Variants in PLCXD1 observed in about 807,000 individuals in gnomAD.
PLCXD1 encodes PI-PLC X domain-containing protein 1.
A neutral mutation model predicts 37.8 loss-of-function variants in PLCXD1; 45 were observed. The ratio of observed to expected loss-of-function variants is 1.19; its 90% CI spans 0.94 to 1.53. The LOEUF (loss-of-function observed/expected upper bound fraction) is 1.53, where lower values mean the gene tolerates loss of function less well. PLCXD1 is among the 40% of genes most tolerant of loss of function. The pLI, the probability that PLCXD1 is intolerant of heterozygous loss-of-function variation, is 0.00. For missense variants in PLCXD1, 539 were observed against 454.7 expected (o/e 1.19, Z -1.69); for synonymous variants, 246 against 206.9 (o/e 1.19, Z -1.62).
At chrX:286,316 C>T (rs1250120706) in intron 2 of PLCXD1, among the ~76,000 whole-genome samples, 44 of 152,076 alleles carry the variant, frequency 2.9e-4, no homozygotes, top group Admixed American at 5.9e-4. Context: ...CCACCTGCCT[C>T]GGCCTCCCAA....
At chrX:294,062 T>C (rs963047161) in intron 6 of PLCXD1, among the ~76,000 whole-genome samples, 39 of 149,954 alleles carry the variant, frequency 2.6e-4, no homozygotes, top group South Asian at 2.3e-4. Context: ...GTCAGCCAGG[T>C]GCGGTGGCTC....
chrX:294,338 C>A (rs866380199), intron 6 of PLCXD1, among the ~76,000 whole-genome samples: 5 of 152,086 alleles, frequency 3.3e-5, no homozygotes, highest in African/African-American at 1.2e-4. Flanking sequence ...AAAAATTAGC[C>A]GGGCGTGGTG....
rs2069772675 is a variant in PLCXD1 at position 295,422 on chromosome X, CAG to C, written c.733+2205_733+2206del. Among the ~76,000 whole-genome samples, 7 of 151,998 alleles carry C rather than the reference CAG, an allele frequency of 4.6e-5. No homozygotes were observed. In the South Asian group the frequency reaches 1.0e-3, roughly 22 times the overall value. On this transcript the variant is annotated intron_variant, in intron 6 of 6. Coordinates refer to ENST00000381657, the MANE Select transcript of PLCXD1 (RefSeq NM_018390.4). The stretch of plus-strand genomic sequence containing the variant: ...TCACGGCCGCGAGGGCTGCTTCCCA[CAG>C]GGGCAGCATGAAACCCAGTCACGGG...
At chrX:287,898 C>A (rs1012258229) in intron 2 of PLCXD1, among the ~76,000 whole-genome samples, 3 of 151,946 alleles carry the variant, frequency 2.0e-5, no homozygotes, top group Non-Finnish European at 4.4e-5. Context: ...CGTCAGGAGG[C>A]GGCAAAGAAC....
chrX:295,198 T>G (rs2069765115), intron 6 of PLCXD1, among the ~76,000 whole-genome samples: 1 of 151,412 alleles, frequency 6.6e-6, no homozygotes, highest in Non-Finnish European at 1.5e-5. Context: ...AACTTTTTTG[T>G]ACGTGAATTT....
chrX:292,636 G>A (rs1050302722), intron 5 of PLCXD1, among the ~76,000 whole-genome samples: 4 of 148,662 alleles, frequency 2.7e-5, no homozygotes, highest in African/African-American at 7.5e-5. Flanking sequence ...TATTTGAGAG[G>A]GAGTCTCGGT....
upstream of PLCXD1, among the ~76,000 whole-genome samples, chrX:276,753 C>T (rs2069164823): frequency 6.6e-6 from 1 of 152,146 alleles, no homozygotes; most frequent in Admixed American, 6.5e-5. Flanking sequence ...GCCGCCGGGG[C>T]CTGCGTGGGG....
chrX:279,910 C>T (rs190673263), upstream of PLCXD1, among the ~76,000 whole-genome samples: 3 of 152,062 alleles, frequency 2.0e-5, no homozygotes, highest in Non-Finnish European at 4.4e-5. Context: ...AGTGCAATGG[C>T]GCGATCTCGG....
rs769818508 is a variant in PLCXD1, at chrX:299,312, A to C, written c.949A>C (p.Asn317His). 10 of 1,613,588 alleles carry C rather than the reference A, an allele frequency of 6.2e-6. No individual in the cohort carries two copies. The highest frequency in any genetic ancestry group is 8.5e-6 in the Non-Finnish European group (10 of 1,179,562). Residue 317 changes from asparagine (N) to histidine (H), a missense_variant, in exon 7 of 7, where the codon AAT becomes CAT. Transcript: ENST00000381657. ...DGFVSDVIAL[N>H]QKLLWC ...CTTCGTCAGTGACGTCATCGCGCTC[A>C]ATCAGAAGCTGCTGTGGTGCTGACG...
At chrX:278,208 C>T (rs760632941), upstream of PLCXD1, among the ~76,000 whole-genome samples, 8 of 150,986 alleles carry the variant, frequency 5.3e-5, no homozygotes, top group East Asian at 1.6e-3. Context: ...GGGGACACCC[C>T]TCAGTGGTCA....
In PLCXD1 at chrX:290,698, G is replaced by A. The variant is rs1243194810; in HGVS notation, c.315G>A (p.Leu105=). The A allele has an allele frequency of 5.6e-6, 9 of 1,613,736 alleles. No homozygotes were observed. The highest frequency in any genetic ancestry group is 7.6e-6 in the Non-Finnish European group (9 of 1,179,694). The part of the protein sequence containing the change: ...QLDAGVRYLD[L]RIAHMLEGSE... Reference sequence around the variant, plus strand: ...ATGCCGGGGTGCGGTACCTGGACCTGCGGATAGCCCACATGCTGGAGGGCT... The same window carrying A: ...ATGCCGGGGTGCGGTACCTGGACCTACGGATAGCCCACATGCTGGAGGGCT... Residue 105 remains leucine (L), a synonymous_variant, in exon 4 of 7, where the codon CTG becomes CTA. Transcript: ENST00000381657.
At chrX:291,132 G>A (rs1806000330) in intron 4 of PLCXD1, among the ~76,000 whole-genome samples, 1 of 151,666 alleles carries the variant, frequency 6.6e-6, no homozygotes, top group African/African-American at 2.4e-5. Flanking sequence ...ATCCGTTACG[G>A]AGATTTCTTT....
chrX:292,231 G>A (rs1446700957), intron 5 of PLCXD1, among the ~76,000 whole-genome samples: 8 of 152,022 alleles, frequency 5.3e-5, no homozygotes, highest in South Asian at 2.1e-4. Flanking sequence ...CGAGGCGGGC[G>A]GATCATGAGG....
chrX:294,301 A>T lies in PLCXD1; in HGVS notation c.733+1083A>T, dbSNP rs747827253. Among the ~76,000 whole-genome samples the T allele has an allele frequency of 2.2e-3, 338 of 151,986 alleles. 1 individual carries two copies. In the East Asian group the frequency reaches 0.025, roughly 11 times the overall value. On this transcript the variant is annotated intron_variant, in intron 6 of 6. Transcript: ENST00000381657. ...ATCGAGACCATCCCGGCTAACATGGAGAAACCCCGTCTCTACTAAAAATAC... is the reference window on the plus strand; with the variant it reads ...ATCGAGACCATCCCGGCTAACATGGTGAAACCCCGTCTCTACTAAAAATAC...
intron 1 of PLCXD1, among the ~76,000 whole-genome samples, chrX:282,391 AC>A (rs1487463712): frequency 9.3e-4 from 94 of 101,410 alleles, no homozygotes; most frequent in African/African-American, 3.9e-3. Context: ...TTTAAAAAAA[AC>A]AAAACAAAAC....
chrX:278,445 G>C (rs28608980), upstream of PLCXD1, among the ~76,000 whole-genome samples: 78,008 of 151,876 alleles, frequency 0.51, 21,631 homozygotes, highest in East Asian at 0.69. Flanking sequence ...CATTTAGAAA[G>C]TGTGTTTTGC....
intron 6 of PLCXD1, among the ~76,000 whole-genome samples, chrX:294,655 T>C (rs1342901147): frequency 6.6e-6 from 1 of 150,698 alleles, no homozygotes; most frequent in Admixed American, 6.6e-5. Context: ...AAGAGAAAAA[T>C]TAGCCAGGCA....
In PLCXD1 at chrX:291,519, G is replaced by C. The variant is rs369964265; in HGVS notation, c.414G>C (p.Ser138=). ...ALVEDTLTEI[S]EWLERHPREV... is the part of the protein sequence containing the mutation. ...CCCAGGACACACTCACGGAAATCTCGGAGTGGCTGGAGCGGCATCCACGCG... is the reference window on the plus strand; with the variant it reads ...CCCAGGACACACTCACGGAAATCTCCGAGTGGCTGGAGCGGCATCCACGCG... The change falls in exon 5 of 7, where the codon TCG becomes TCC. Residue 138 remains serine (S), a synonymous_variant. Transcript: ENST00000381657. 3.1e-6 allele frequency: 5 copies of C among 1,612,638 alleles called. No individual in the cohort carries two copies. In the African/African-American group the frequency reaches 5.3e-5, roughly 17 times the overall value.
rs1469662309 is a variant in PLCXD1 at position 302,109 on chromosome X, C to G, written c.*2774C>G. 1 of 152,308 alleles carries G rather than the reference C, an allele frequency of 6.6e-6. No individual in the cohort carries two copies. Among genetic ancestry groups the G allele is most frequent in the African/African-American group, 2.4e-5 (1 of 41,468 alleles). The allele number at this position is 152,308 out of a possible 1,614,324, so 9.4% of individuals were successfully genotyped here. On this transcript the variant is annotated 3_prime_UTR_variant, in exon 7 of 7. Coordinates refer to ENST00000381657, the MANE Select transcript of PLCXD1 (RefSeq NM_018390.4). The stretch of plus-strand genomic sequence containing the variant: ...CTGTGGCCTGGGCTGTTCCCTCATT[C>G]ATTCCTGCCTCCCGAGCCAAACCCA...
Sources: gnomAD v4.1 joint callset for allele counts (sites outside exome capture counted in the v4.1 genomes callset) on GRCh38, gnomAD v4.1.1 for gene constraint, MANE v1.5 for transcripts, NCBI Gene and HGNC (gene_info 2026-07-23, HGNC 2026-07-21) for gene names.